Variants in OXR1 observed in about 807,000 individuals in gnomAD.
The protein encoded by OXR1 is oxidation resistance 1.
A neutral mutation model predicts 104.6 loss-of-function variants in OXR1; 41 were observed. The ratio of observed to expected loss-of-function variants is 0.39; its 90% CI spans 0.31 to 0.51. The LOEUF (loss-of-function observed/expected upper bound fraction) is 0.51, where lower values mean the gene tolerates loss of function less well. Ranked by LOEUF, OXR1 falls within the 20% of genes least tolerant of loss-of-function variation. The probability of loss-of-function intolerance (pLI) is 0.77; values close to 1 mark genes in which losing one functional copy is unlikely to be tolerated. For missense variants in OXR1, 955 were observed against 1,031.9 expected (o/e 0.93, Z 1.02); for synonymous variants, 348 against 348.4 (o/e 1.00, Z 0.01).
chr8:106,374,003 C>T (rs1043875228), intron 2 of OXR1, among the ~76,000 whole-genome samples: 1 of 152,172 alleles, frequency 6.6e-6, no homozygotes, highest in Non-Finnish European at 1.5e-5. Flanking sequence ...GTATATGATC[C>T]GTATTACAGA....
At chr8:106,555,364 T>C (rs1816186117) in intron 3 of OXR1, among the ~76,000 whole-genome samples, 1 of 152,128 alleles carries the variant, frequency 6.6e-6, no homozygotes, top group Non-Finnish European at 1.5e-5. Flanking sequence ...ATCTACTGAA[T>C]CAATATTCAG....
chr8:106,357,282 A>G (rs1309073851), intron 1 of OXR1, among the ~76,000 whole-genome samples: 2 of 151,986 alleles, frequency 1.3e-5, no homozygotes, highest in Non-Finnish European at 2.9e-5. Context: ...TACAGCTTGG[A>G]AACTTTTGAA....
chr8:106,640,564 G>A (rs1015876104), intron 3 of OXR1, among the ~76,000 whole-genome samples: 5 of 151,876 alleles, frequency 3.3e-5, no homozygotes, highest in African/African-American at 1.2e-4. Context: ...AATGGCAGAG[G>A]AATCCTCTCT....
intron 11 of OXR1, among the ~76,000 whole-genome samples, chr8:106,719,324 G>A (rs955859416): frequency 2.6e-5 from 4 of 152,090 alleles, no homozygotes; most frequent in Admixed American, 6.5e-5. Flanking sequence ...CGTGATGATC[G>A]CACTTTTGTT....
intron 3 of OXR1, among the ~76,000 whole-genome samples, chr8:106,610,230 A>C (rs780671720): frequency 6.6e-6 from 1 of 151,740 alleles, no homozygotes; most frequent in African/African-American, 2.4e-5. Context: ...AATTCTGTCT[A>C]TTCAACCCTG....
intron 2 of OXR1, among the ~76,000 whole-genome samples, chr8:106,443,288 GT>G (rs951775395): frequency 4.0e-5 from 6 of 150,136 alleles, no homozygotes; most frequent in African/African-American, 7.3e-5. Context: ...ATAATTTCAG[GT>G]TTTTTTTTGC....
chr8:106,493,128 A>G (rs543257704), intron 2 of OXR1, among the ~76,000 whole-genome samples: 1 of 152,304 alleles, frequency 6.6e-6, no homozygotes, highest in South Asian at 2.1e-4. Flanking sequence ...TAAATGCTAC[A>G]GCTACAGCTA....
chr8:106,364,922 C>G (rs1387740360), intron 2 of OXR1, among the ~76,000 whole-genome samples: 1 of 152,110 alleles, frequency 6.6e-6, no homozygotes, highest in Non-Finnish European at 1.5e-5. Context: ...TGCTAAATTG[C>G]AGGCTCTCAG....
intron 3 of OXR1, among the ~76,000 whole-genome samples, chr8:106,661,182 A>G (rs184407466): frequency 6.6e-6 from 1 of 152,266 alleles, no homozygotes; most frequent in Non-Finnish European, 1.5e-5. Context: ...CATCTCAAAC[A>G]AACAAACCAA....
chr8:106,662,839 G>GGATGATGATGATGAT (rs5893799), intron 3 of OXR1, among the ~76,000 whole-genome samples: 1 of 149,002 alleles, frequency 6.7e-6, no homozygotes, highest in Non-Finnish European at 1.5e-5. Flanking sequence ...TCAGTAAATG[G>GGATGATGATGATGAT]GATGATGATG....
At chr8:106,587,395 G>A (rs1400528848) in intron 3 of OXR1, among the ~76,000 whole-genome samples, 3 of 152,156 alleles carry the variant, frequency 2.0e-5, no homozygotes, top group African/African-American at 7.2e-5. Context: ...GAGTAGGAGA[G>A]TGAATGAACT....
rs567856657 is a variant in OXR1, at chr8:106,384,638, A to G, written c.23+25002A>G. On this transcript the variant is annotated intron_variant, in intron 2 of 16. Coordinates refer to ENST00000517566, the MANE Select transcript of OXR1 (RefSeq NM_001198533.2). ...GTGCTCCTTTTATTTTCTTTTCTCTATAGAGATGGAAATTTCCAGTTATCT... is the reference window on the plus strand; with the variant it reads ...GTGCTCCTTTTATTTTCTTTTCTCTGTAGAGATGGAAATTTCCAGTTATCT... Among the ~76,000 whole-genome samples, 11 of 152,002 alleles carry G rather than the reference A, an allele frequency of 7.2e-5. No homozygotes were observed. The South Asian group carries it at 1.7e-3, about 23-fold the overall frequency.
chr8:106,418,902 C>T (rs1818790815), intron 2 of OXR1, among the ~76,000 whole-genome samples: 1 of 150,914 alleles, frequency 6.6e-6, no homozygotes, highest in Non-Finnish European at 1.5e-5. Context: ...ATTTTTGTAT[C>T]ATTCAAATTC....
chr8:106,475,470 G>A (rs1344435677), intron 2 of OXR1, among the ~76,000 whole-genome samples: 2 of 151,892 alleles, frequency 1.3e-5, no homozygotes, highest in East Asian at 1.9e-4. Flanking sequence ...AGAGGCAGAA[G>A]AGGTGGAGGA....
intron 3 of OXR1, among the ~76,000 whole-genome samples, chr8:106,610,653 T>C (rs1381758570): frequency 1.3e-5 from 2 of 152,224 alleles, no homozygotes; most frequent in Admixed American, 1.3e-4. Context: ...CTAGTCTCTC[T>C]GACTTGAGCA....
At chr8:106,674,864 G>A (rs986325316) in intron 3 of OXR1, among the ~76,000 whole-genome samples, 4 of 152,008 alleles carry the variant, frequency 2.6e-5, no homozygotes, top group East Asian at 1.9e-4. Context: ...TTTGCCTTCC[G>A]CTATGACTTA....
intron 2 of OXR1, among the ~76,000 whole-genome samples, chr8:106,463,362 C>A (rs569012119): frequency 6.6e-6 from 1 of 152,030 alleles, no homozygotes; most frequent in East Asian, 1.9e-4. Flanking sequence ...AGGTATCAAT[C>A]GAAGGCAGTA....
At chr8:106,506,817 G>A (rs1812195346) in intron 2 of OXR1, among the ~76,000 whole-genome samples, 1 of 152,098 alleles carries the variant, frequency 6.6e-6, no homozygotes, top group Non-Finnish European at 1.5e-5. Flanking sequence ...TGGGTCAGGT[G>A]TGGTGGTTTA....
At chr8:106,316,671 A>G (rs1034400471) in intron 1 of OXR1, among the ~76,000 whole-genome samples, 5 of 150,628 alleles carry the variant, frequency 3.3e-5, no homozygotes, top group African/African-American at 4.9e-5. Flanking sequence ...GGCTTAATGT[A>G]TTTGTTTTTC....
Sources: gnomAD v4.1 joint callset for allele counts (sites outside exome capture counted in the v4.1 genomes callset) on GRCh38, gnomAD v4.1.1 for gene constraint, MANE v1.5 for transcripts, NCBI Gene and HGNC (gene_info 2026-07-23, HGNC 2026-07-21) for gene names.